NCR3LG1: variants seen among roughly 807,000 people sequenced by gnomAD.
The protein encoded by NCR3LG1 is natural killer cell cytotoxicity receptor 3 ligand 1, also known as natural cytotoxicity triggering receptor 3 ligand 1.
NCR3LG1 carries 35 observed loss-of-function variants against 34.8 expected under a neutral mutation model. That is an observed-to-expected ratio of 1.01 (90% confidence interval 0.77 to 1.33). The LOEUF (loss-of-function observed/expected upper bound fraction) is 1.33, where lower values mean the gene tolerates loss of function less well. Ranked by LOEUF, NCR3LG1 falls within the 40% of genes most tolerant of loss-of-function variation. The probability of loss-of-function intolerance (pLI) is 0.00; values close to 1 mark genes in which losing one functional copy is unlikely to be tolerated. For synonymous variants in NCR3LG1, 173 were observed against 163.6 expected (o/e 1.06, Z -0.44); for missense variants, 452 against 423.3 (o/e 1.07, Z -0.60).
In NCR3LG1 at chr11:17,368,937, A is replaced by G; in HGVS notation, c.831A>G (p.Leu277=). The change falls in exon 4 of 5, where the codon TTA becomes TTG. Residue 277 remains leucine, a synonymous_variant. Coordinates refer to ENST00000338965, the MANE Select transcript of NCR3LG1 (RefSeq NM_001202439.3). ...PISFIGVGLV[L]LIVLIPWKKI... is the part of the protein sequence containing the mutation. ...CATTCATTGGTGTTGGACTGGTTTT[A>G]TTAATTGTTTTGATTCCTTGGAAAA... The G allele has an allele frequency of 1.3e-6, 2 of 1,534,292 alleles. No individual in the cohort carries two copies. Among genetic ancestry groups the G allele is most frequent in the Non-Finnish European group, 1.7e-6 (2 of 1,145,460 alleles).
chr11:17,371,945 G>T, intron 4 of NCR3LG1, 61 bp from the exon 5 acceptor site: 1 of 631,006 alleles, frequency 1.6e-6, no homozygotes, highest in African/African-American at 1.8e-5. Context: ...TCTCTCTGCT[G>T]TCGATCACTC....
chr11:17,368,852 C>A lies in NCR3LG1; in HGVS notation c.761-15C>A. On this transcript the variant is annotated splice_polypyrimidine_tract_variant and intron_variant, in intron 3 of 4. Transcript: ENST00000338965. ...CAGTAGGTTTCCTGCTAATGTTTTCCTTCTCTCTCTGCAGAAACTGAGAAG... is the reference window on the plus strand; with the variant it reads ...CAGTAGGTTTCCTGCTAATGTTTTCATTCTCTCTCTGCAGAAACTGAGAAG... 1 of 1,503,768 alleles carries A rather than the reference C, an allele frequency of 6.6e-7. No individual in the cohort carries two copies. The highest frequency in any genetic ancestry group is 8.9e-7 in the Non-Finnish European group (1 of 1,117,818). 93.2% of individuals were successfully genotyped at this position (1,503,768 alleles called of 1,614,324 possible).
At chr11:17,360,479 A>G (rs1953258294) in intron 2 of NCR3LG1, among the ~76,000 whole-genome samples, 1 of 152,176 alleles carries the variant, frequency 6.6e-6, no homozygotes, top group South Asian at 2.1e-4. Flanking sequence ...AAGGCTACCT[A>G]GATTTTCTCC....
chr11:17,356,136 CTTTTT>C (rs71457872), intron 1 of NCR3LG1, among the ~76,000 whole-genome samples: 1 of 104,558 alleles, frequency 9.6e-6, no homozygotes, highest in Non-Finnish European at 1.8e-5. Context: ...TTCTTTCTTT[CTTTTT>C]TTTTTTTTTT....
intron 2 of NCR3LG1, among the ~76,000 whole-genome samples, chr11:17,360,523 A>G (rs1434956358): frequency 2.0e-5 from 3 of 152,064 alleles, no homozygotes; most frequent in South Asian, 4.2e-4. Context: ...TAGTTTTACC[A>G]TTGACATTTA....
chr11:17,368,169 G>T (rs944555144), intron 3 of NCR3LG1, among the ~76,000 whole-genome samples: 7 of 152,102 alleles, frequency 4.6e-5, no homozygotes, highest in Admixed American at 1.3e-4. Context: ...CTACAGTAGA[G>T]TGGTTCTGCA....
At chr11:17,353,533 C>G (rs1375627574) in intron 1 of NCR3LG1, among the ~76,000 whole-genome samples, 3 of 152,230 alleles carry the variant, frequency 2.0e-5, no homozygotes, top group Non-Finnish European at 2.9e-5. Flanking sequence ...CCACCCGGTC[C>G]CATGCCCGTC....
rs1432687145 is a variant in NCR3LG1 at position 17,373,789 on chromosome 11, C to T, written c.*1277C>T. 2 of 149,128 alleles carry T rather than the reference C, an allele frequency of 1.3e-5. No homozygotes were observed. Among genetic ancestry groups the T allele is most frequent in the African/African-American group, 4.9e-5 (2 of 40,618 alleles). The allele number at this position is 149,128 out of a possible 1,614,324, so 9.2% of individuals were successfully genotyped here. ...TTTAGTCATGCCTGAAAGTCCCACT[C>T]CTTTATTAGATAGAGATATTCCAGC... On this transcript the variant is annotated 3_prime_UTR_variant, in exon 5 of 5. Transcript: ENST00000338965.
In NCR3LG1 at chr11:17,362,765, TTTCC is replaced by T. The variant is rs1564856537; in HGVS notation, c.422-4232_422-4229del. On this transcript the variant is annotated intron_variant, in intron 2 of 4. Transcript: ENST00000338965. ...CTTTCTTTCTTTCTTTCTTTCTTTCTTTCCTTCCTTCCTTCTTTCCTTCTTTCTC... is the reference window on the plus strand; with the variant it reads ...CTTTCTTTCTTTCTTTCTTTCTTTCTTTCCTTCCTTCTTTCCTTCTTTCTC... Among the ~76,000 whole-genome samples, 19 of 107,192 alleles carry T rather than the reference TTTCC, an allele frequency of 1.8e-4. 1 individual carries two copies. The highest frequency in any genetic ancestry group is 6.4e-4 in the African/African-American group (15 of 23,566). 70.3% of individuals were successfully genotyped at this position (107,192 alleles called of 152,430 possible). A position where few individuals can be genotyped will look rare whatever the true frequency, so the allele number is the denominator to read the frequency against.
downstream of NCR3LG1, among the ~76,000 whole-genome samples, chr11:17,377,624 G>T (rs1306019546): frequency 2.0e-5 from 3 of 152,240 alleles, no homozygotes; most frequent in African/African-American, 4.8e-5. Context: ...ATTACATGCA[G>T]GAGGGGGAAG....
Position 17,373,816 on chromosome 11 carries a change from C to T in NCR3LG1, c.*1304C>T, listed in dbSNP as rs1056979347. 3.3e-5 allele frequency: 5 copies of T among 151,324 alleles called. No homozygotes were observed. The highest frequency in any genetic ancestry group is 1.2e-4 in the African/African-American group (5 of 41,146). The allele number at this position is 151,324 out of a possible 1,614,324, so 9.4% of individuals were successfully genotyped here. A position where few individuals can be genotyped will look rare whatever the true frequency, so the allele number is the denominator to read the frequency against. On this transcript the variant is annotated 3_prime_UTR_variant, in exon 5 of 5. Coordinates refer to ENST00000338965, the MANE Select transcript of NCR3LG1 (RefSeq NM_001202439.3). ...TTTATTAGATAGAGATATTCCAGCACGTATGGGGGCCACCATCCTTATGGC... is the reference window on the plus strand; with the variant it reads ...TTTATTAGATAGAGATATTCCAGCATGTATGGGGGCCACCATCCTTATGGC...
At chr11:17,360,181 G>C (rs1456022686) in intron 2 of NCR3LG1, among the ~76,000 whole-genome samples, 2 of 152,140 alleles carry the variant, frequency 1.3e-5, no homozygotes, top group Non-Finnish European at 2.9e-5. Flanking sequence ...ACTGGGAATT[G>C]TATGTCTTCT....
intron 4 of NCR3LG1, 29 bp downstream of exon 4, chr11:17,368,993 C>T: frequency 1.4e-6 from 2 of 1,436,132 alleles, no homozygotes; most frequent in Non-Finnish European, 1.9e-6. Context: ...AAGTTCAGCC[C>T]TGTGTCTTGG....
chr11:17,356,556 G>T, intron 1 of NCR3LG1, 95 bp from the exon 2 acceptor site: 1 of 896,452 alleles, frequency 1.1e-6, no homozygotes, highest in Non-Finnish European at 1.7e-6. Flanking sequence ...GCCTCCATAT[G>T]AATTTTGGAG....
At chr11:17,368,821 C>G in intron 3 of NCR3LG1, 46 bp from the exon 4 acceptor site, 2 of 1,304,404 alleles carry the variant, frequency 1.5e-6, no homozygotes, top group South Asian at 2.5e-5. Context: ...TTTCTCTGGC[C>G]CTTGCCAGTA....
rs1210875038 is a variant in NCR3LG1, at chr11:17,360,974, G to A, written c.421+3973G>A. On this transcript the variant is annotated intron_variant, in intron 2 of 4. Coordinates refer to ENST00000338965, the MANE Select transcript of NCR3LG1 (RefSeq NM_001202439.3). ...TGGTCTGGAACTTCTGAGCTCGAGT[G>A]ATCTCCCCCGTCTCAGCCTCCCAAA... 2.0e-5 allele frequency among the ~76,000 whole-genome samples: 3 copies of A among 151,948 alleles called. No individual in the cohort carries two copies. The East Asian group carries it at 5.8e-4, about 29-fold the overall frequency.
chr11:17,377,749 C>T (rs925453429), downstream of NCR3LG1, among the ~76,000 whole-genome samples: 1 of 152,196 alleles, frequency 6.6e-6, no homozygotes, highest in African/African-American at 2.4e-5. Context: ...CTTAATCCTC[C>T]CTAGGCACTG....
At chr11:17,371,925 C>G in intron 4 of NCR3LG1, 81 bp from the exon 5 acceptor site, 1 of 617,660 alleles carries the variant, frequency 1.6e-6, no homozygotes, top group Non-Finnish European at 2.9e-6. Flanking sequence ...GGGGACGCCC[C>G]TTCCATTTTT....
downstream of NCR3LG1, chr11:17,380,805 G>A (rs1194127302): frequency 1.3e-5 from 2 of 152,168 alleles, no homozygotes; most frequent in African/African-American, 4.8e-5. Flanking sequence ...TTGGTCATTA[G>A]TATTAGTAAT....
Sources: allele counts gnomAD v4.1 joint callset (sites outside exome capture counted in the v4.1 genomes callset), GRCh38; gene constraint gnomAD v4.1.1; transcripts MANE v1.5; gene names NCBI Gene and HGNC (gene_info 2026-07-23, HGNC 2026-07-21).